Variants in GPC5 observed in about 807,000 individuals in gnomAD.
The protein encoded by GPC5 is glypican-5.
Under a neutral mutation model 53.9 loss-of-function variants are expected in GPC5, and 47 were observed. That is an observed-to-expected ratio of 0.87 (90% confidence interval 0.69 to 1.11). GPC5 has a LOEUF of 1.11. GPC5 is among the 50% of genes most tolerant of loss of function. The pLI is 0.00. For synonymous variants in GPC5, 286 were observed against 263.3 expected, an observed-to-expected ratio of 1.09 and a Z score of -0.84; for missense variants, 748 against 713.1, an observed-to-expected ratio of 1.05 and a Z score of -0.56.
intron 2 of GPC5, among the ~76,000 whole-genome samples, chr13:91,653,168 C>G (rs1440599416): frequency 6.6e-6 from 1 of 152,200 alleles, no homozygotes; most frequent in Non-Finnish European, 1.5e-5. Context: ...GCCTCTTCCA[C>G]TTTTCAAACG....
chr13:91,818,745 G>T (rs774147735), intron 5 of GPC5, among the ~76,000 whole-genome samples: 2 of 152,052 alleles, frequency 1.3e-5, no homozygotes, highest in Admixed American at 6.6e-5. Context: ...CTCAGTGCAG[G>T]GGAAAGTAAC....
At chr13:92,245,710 A>T (rs563822230) in intron 7 of GPC5, among the ~76,000 whole-genome samples, 1 of 152,276 alleles carries the variant, frequency 6.6e-6, no homozygotes, top group African/African-American at 2.4e-5. Flanking sequence ...ATTATGTAAC[A>T]GAAAATATAT....
intron 5 of GPC5, among the ~76,000 whole-genome samples, chr13:91,786,727 A>G (rs2037885606): frequency 6.6e-6 from 1 of 152,182 alleles, no homozygotes; most frequent in African/African-American, 2.4e-5. Context: ...ATTATGTGTT[A>G]TATACAATGT....
chr13:91,995,861 C>A (rs2040498963), intron 6 of GPC5: 1 of 152,126 alleles, frequency 6.6e-6, no homozygotes, highest in Admixed American at 6.5e-5. Context: ...TGCAATAAGG[C>A]ATTTTAGGTC....
At position 92,866,712 on chromosome 13, in the gene GPC5, T is replaced by C. The variant is rs1363274006; in HGVS notation, c.*273T>C. The C allele has an allele frequency of 4.2e-6, 1 of 236,104 alleles. No homozygotes were observed. Among genetic ancestry groups the C allele is most frequent in the African/African-American group, 2.2e-5 (1 of 44,670 alleles). The allele number at this position is 236,104 out of a possible 1,614,324, so 14.6% of individuals were successfully genotyped here. A position where few individuals can be genotyped will look rare whatever the true frequency, so the allele number is the denominator to read the frequency against. ...TCTGAAGATGTGAAGGGCACAGAAG[T>C]GACTTTGAATAAGAAGAATTTAGTG... is the stretch of plus-strand genomic sequence containing the variant. On this transcript the variant is annotated 3_prime_UTR_variant, in exon 8 of 8. Transcript: ENST00000377067.
At chr13:92,531,903 T>C (rs1361788962) in intron 7 of GPC5, among the ~76,000 whole-genome samples, 1 of 152,202 alleles carries the variant, frequency 6.6e-6, no homozygotes, top group African/African-American at 2.4e-5. Flanking sequence ...CAGTTTGACA[T>C]TTTTCATTTA....
Position 92,751,303 on chromosome 13 carries a change from T to TAAAAAA in GPC5, c.1562-114952_1562-114947dup, listed in dbSNP as rs71123435. ...AAACCTTTGGTCATCCAGAAACATT[T>TAAAAAA]AAAAAAAAAAAAAAAAAAAAAAAAA... is the stretch of plus-strand genomic sequence containing the variant. On this transcript the variant is annotated intron_variant, in intron 7 of 7. Coordinates refer to ENST00000377067, the MANE Select transcript of GPC5 (RefSeq NM_004466.6). Among the ~76,000 whole-genome samples, 81 of 38,758 alleles carry TAAAAAA rather than the reference T, an allele frequency of 2.1e-3. 3 individuals carry two copies. The highest frequency in any genetic ancestry group is 3.0e-3 in the Non-Finnish European group (57 of 18,940). 25.4% of individuals were successfully genotyped at this position (38,758 alleles called of 152,430 possible).
intron 7 of GPC5, among the ~76,000 whole-genome samples, chr13:92,408,629 G>T (rs373297525): frequency 0.017 from 2,530 of 148,042 alleles, 71 homozygotes; most frequent in African/African-American, 0.058. Context: ...TATATATATA[G>T]ACACACACAC....
intron 7 of GPC5, among the ~76,000 whole-genome samples, chr13:92,356,907 G>A (rs2043527035): frequency 6.6e-6 from 1 of 152,090 alleles, no homozygotes; most frequent in African/African-American, 2.4e-5. Flanking sequence ...GTTCCCCATG[G>A]TCTGTTATGT....
At chr13:92,520,256 G>A (rs1279979824) in intron 7 of GPC5, among the ~76,000 whole-genome samples, 1 of 152,070 alleles carries the variant, frequency 6.6e-6, no homozygotes, top group Non-Finnish European at 1.5e-5. Flanking sequence ...AGGAAAAAAG[G>A]GAATCCTCCC....
intron 7 of GPC5, among the ~76,000 whole-genome samples, chr13:92,701,784 G>A (rs1048026600): frequency 6.6e-6 from 1 of 151,926 alleles, no homozygotes; most frequent in African/African-American, 2.4e-5. Flanking sequence ...TAGAATCGTT[G>A]GCGAATAGAT....
chr13:91,899,426 A>G (rs2039475200), intron 5 of GPC5, among the ~76,000 whole-genome samples: 1 of 152,194 alleles, frequency 6.6e-6, no homozygotes, highest in East Asian at 1.9e-4. Context: ...ATATTGTTTT[A>G]CAGTAATAAA....
At chr13:92,841,495 C>T (rs1015188369) in intron 7 of GPC5, among the ~76,000 whole-genome samples, 1 of 152,036 alleles carries the variant, frequency 6.6e-6, no homozygotes, top group African/African-American at 2.4e-5. Flanking sequence ...TATGTCTATG[C>T]TTATCAATTT....
At chr13:92,698,296 C>G (rs2139244736) in intron 7 of GPC5, among the ~76,000 whole-genome samples, 1 of 152,132 alleles carries the variant, frequency 6.6e-6, no homozygotes, top group East Asian at 1.9e-4. Context: ...AGGTGTATCT[C>G]CTAATGCTAT....
chr13:91,954,317 T>TA (rs1437826836), intron 6 of GPC5, among the ~76,000 whole-genome samples: 3 of 152,186 alleles, frequency 2.0e-5, no homozygotes, highest in Non-Finnish European at 2.9e-5. Flanking sequence ...TCTCTATGAA[T>TA]AATTACTTCA....
intron 7 of GPC5, among the ~76,000 whole-genome samples, chr13:92,248,440 G>A (rs190200518): frequency 1.3e-5 from 2 of 152,196 alleles, no homozygotes; most frequent in East Asian, 1.9e-4. Context: ...TCTAATCTTA[G>A]TCTTACTAAA....
intron 7 of GPC5, among the ~76,000 whole-genome samples, chr13:92,638,520 G>A (rs1396812226): frequency 6.6e-6 from 1 of 151,634 alleles, no homozygotes; most frequent in Non-Finnish European, 1.5e-5. Context: ...CATTTTTAGG[G>A]CTCTTCCCCC....
intron 7 of GPC5, among the ~76,000 whole-genome samples, chr13:92,424,927 G>T (rs1052383840): frequency 1.3e-5 from 2 of 152,022 alleles, no homozygotes; most frequent in Non-Finnish European, 2.9e-5. Context: ...TATAGCTCCT[G>T]CTTCAAAGGG....
At position 91,572,083 on chromosome 13, in the gene GPC5, ATATG is replaced by A. The variant is rs2031902062; in HGVS notation, c.326-121101_326-121098del. Among the ~76,000 whole-genome samples the A allele has an allele frequency of 1.5e-5, 2 of 136,584 alleles. 1 individual carries two copies. The highest frequency in any genetic ancestry group is 6.4e-5 in the African/African-American group (2 of 31,314). The allele number at this position is 136,584 out of a possible 152,430, so 89.6% of individuals were successfully genotyped here. On this transcript the variant is annotated intron_variant, in intron 2 of 7. Transcript: ENST00000377067. ...TATACATGTATATACACACATATGT[ATATG>A]TACATGTGTGTGTATATACACACAT...
Sources: gnomAD v4.1 joint callset for allele counts (sites outside exome capture counted in the v4.1 genomes callset) on GRCh38, gnomAD v4.1.1 for gene constraint, MANE v1.5 for transcripts, NCBI Gene and HGNC (gene_info 2026-07-23, HGNC 2026-07-21) for gene names.